Variants in CENPS observed in about 807,000 individuals in gnomAD.
CENPS encodes centromere protein S.
In CENPS, 16 loss-of-function variants were observed where a neutral mutation model predicts 17.9. The observed-to-expected ratio is 0.90, with a 90% CI of 0.61 to 1.36. CENPS has a LOEUF of 1.36. Ranked by LOEUF, CENPS falls within the 40% of genes most tolerant of loss-of-function variation. The probability of loss-of-function intolerance (pLI) is 0.00; values close to 1 mark genes in which losing one functional copy is unlikely to be tolerated. For synonymous variants in CENPS, 49 were observed against 55.8 expected (o/e 0.88, Z 0.54); for missense variants, 160 against 158.6 (o/e 1.01, Z -0.05).
intron 3 of CENPS, among the ~76,000 whole-genome samples, chr1:10,437,758 A>ATTTTT (rs59257602): frequency 1.3e-4 from 16 of 123,188 alleles, no homozygotes; most frequent in African/African-American, 5.0e-4. Flanking sequence ...TGCCTGGCCA[A>ATTTTT]TTTTTTTTTT....
chr1:10,431,748 G>A (rs996088581), intron 1 of CENPS, among the ~76,000 whole-genome samples: 1 of 151,572 alleles, frequency 6.6e-6, no homozygotes. Flanking sequence ...CAGCTACTCG[G>A]GACGTTGAGG....
chr1:10,435,230 T>C (rs1220267419), intron 3 of CENPS, among the ~76,000 whole-genome samples: 1 of 152,156 alleles, frequency 6.6e-6, no homozygotes, highest in Non-Finnish European at 1.5e-5. Flanking sequence ...TGATTTATGC[T>C]CCGCTCTTCA....
At chr1:10,435,710 T>TACACACACACACACACACAC (rs778086497) in intron 3 of CENPS, among the ~76,000 whole-genome samples, 77 of 143,564 alleles carry the variant, frequency 5.4e-4, no homozygotes, top group African/African-American at 2.0e-3. Context: ...ATAATATATA[T>TACACACACACACACACACAC]ATATATACAC....
intron 1 of CENPS, among the ~76,000 whole-genome samples, chr1:10,432,665 A>T (rs958869846): frequency 1.3e-5 from 2 of 152,090 alleles, no homozygotes; most frequent in African/African-American, 4.8e-5. Context: ...AAGATCTGAG[A>T]AAAATTCCTG....
chr1:10,430,658 C>T (rs969397932), intron 1 of CENPS, 90 bp downstream of exon 1: 23 of 1,464,642 alleles, frequency 1.6e-5, no homozygotes, highest in Admixed American at 1.3e-4. Flanking sequence ...GGCGGCTTCT[C>T]ATCGGCACCC....
chr1:10,442,241 T>A (rs1261419967), intron 4 of CENPS, 24 bp from the exon 5 acceptor site: 2 of 1,514,404 alleles, frequency 1.3e-6, no homozygotes, highest in Non-Finnish European at 1.8e-6. Flanking sequence ...CAGCCAGATA[T>A]AAATACAGAT....
At position 10,433,854 on chromosome 1, in the gene CENPS, G is replaced by A. The variant is rs761824876; in HGVS notation, c.64G>A (p.Ala22Thr). The A allele has an allele frequency of 6.2e-7, 1 of 1,614,178 alleles. No individual in the cohort carries two copies. The highest frequency in any genetic ancestry group is 1.1e-5 in the South Asian group (1 of 91,084). ...RFSYQQRLKA[A>T]VHYTVGCLCE... ...TGTTTTTCCCCAGAGGCTAAAGGCA[G>A]CAGTTCACTATACTGTGGGTTGTCT... Residue 22 changes from alanine (A) to threonine (T), a missense_variant, in exon 2 of 5, where the codon GCA (alanine) becomes ACA (threonine). By Grantham distance (58) the Ala-to-Thr change is moderately conservative. Transcript: ENST00000309048.
At chr1:10,440,069 A>G (rs912212316) in intron 3 of CENPS, 3 of 443,810 alleles carry the variant, frequency 6.8e-6, no homozygotes, top group Non-Finnish European at 1.2e-5. Flanking sequence ...GAAGGGCGCT[A>G]AGCCCCCAGC....
At chr1:10,438,944 C>G (rs752218322) in intron 3 of CENPS, among the ~76,000 whole-genome samples, 10 of 152,162 alleles carry the variant, frequency 6.6e-5, no homozygotes, top group Non-Finnish European at 8.8e-5. Context: ...CCACCCAGAA[C>G]GTCTGTGGAC....
chr1:10,442,185 G>C, intron 4 of CENPS, 80 bp from the exon 5 acceptor site: 2 of 1,496,446 alleles, frequency 1.3e-6, no homozygotes, highest in Non-Finnish European at 1.8e-6. Flanking sequence ...TGGTTGTGGA[G>C]GGTTTAGTTT....
intron 1 of CENPS, chr1:10,431,433 T>A: frequency 6.5e-7 from 1 of 1,534,240 alleles, no homozygotes; most frequent in Non-Finnish European, 8.7e-7. Context: ...GTCACCTTGA[T>A]TCACCACTAG....
At position 10,434,339 on chromosome 1, in the gene CENPS, AT is replaced by A. The variant is rs914587003; in HGVS notation, c.176-317del. ...GTATTTGCTTGACTTCAGAGGGGAA[AT>A]GAAAGACCTCACAAGCCTTAACTGT... On this transcript the variant is annotated intron_variant, in intron 2 of 4. Coordinates refer to ENST00000309048, the MANE Select transcript of CENPS (RefSeq NM_199294.3). 2.0e-4 allele frequency among the ~76,000 whole-genome samples: 30 copies of A among 152,298 alleles called. 1 individual carries two copies. Among genetic ancestry groups the A allele is most frequent in the African/African-American group, 7.2e-4 (30 of 41,564 alleles).
intron 1 of CENPS, chr1:10,431,115 T>C (rs1639892506): frequency 1.4e-6 from 2 of 1,415,130 alleles, no homozygotes; most frequent in Non-Finnish European, 9.2e-7. Context: ...TTTTCTTCTC[T>C]GCAAAATCGT....
At position 10,442,260 on chromosome 1, in the gene CENPS, TA is replaced by T; in HGVS notation, c.277-4del. On this transcript the variant is annotated splice_region_variant and splice_polypyrimidine_tract_variant and intron_variant, in intron 4 of 4. Transcript: ENST00000309048. ...CAGATATAAATACAGATTTTTTTTT[TA>T]TAGCTAAAATACATCACAGACAAAA... 6.4e-7 allele frequency: 1 copy of T among 1,563,316 alleles called. No individual in the cohort carries two copies. The highest frequency in any genetic ancestry group is 2.1e-5 in the Admixed American group (1 of 46,602).
intron 3 of CENPS, 119 bp downstream of exon 3, chr1:10,434,809 C>A: frequency 7.4e-7 from 1 of 1,355,332 alleles, no homozygotes; most frequent in Non-Finnish European, 9.8e-7. Context: ...TTTGTGGAGG[C>A]TTGTCTCTAA....
chr1:10,431,234 TAAA>T, intron 1 of CENPS: 5 of 1,531,944 alleles, frequency 3.3e-6, no homozygotes, highest in Non-Finnish European at 4.4e-6. Context: ...TGAAGAGGCT[TAAA>T]AGCAAGACCC....
intron 3 of CENPS, among the ~76,000 whole-genome samples, chr1:10,437,408 T>A (rs1037388581): frequency 6.6e-6 from 1 of 151,942 alleles, no homozygotes; most frequent in African/African-American, 2.4e-5. Context: ...TTCTTTTTTT[T>A]TTTTTGGAGC....
chr1:10,431,857 A>AAG (rs1639934731), intron 1 of CENPS, among the ~76,000 whole-genome samples: 1 of 62,224 alleles, frequency 1.6e-5, no homozygotes, highest in Admixed American at 1.6e-4. Context: ...CCATCTCAGA[A>AAG]AAAAAAAAAA....
intron 3 of CENPS, among the ~76,000 whole-genome samples, chr1:10,437,078 TA>T (rs1252529399): frequency 2.6e-4 from 39 of 152,220 alleles, no homozygotes; most frequent in Non-Finnish European, 5.1e-4. Context: ...ATATGTTACA[TA>T]GTCTCTGTAG....
Sources: gnomAD v4.1 joint callset for allele counts (sites outside exome capture counted in the v4.1 genomes callset) on GRCh38, gnomAD v4.1.1 for gene constraint, MANE v1.5 for transcripts, NCBI Gene and HGNC (gene_info 2026-07-23, HGNC 2026-07-21) for gene names.